The following ZNF497 variants were observed in gnomAD, a reference collection of about 807,000 sequenced individuals.
ZNF497 encodes the protein zinc finger-like protein.
For missense variants in ZNF497, 930 were observed against 714.0 expected (o/e 1.30, Z -3.45); for synonymous variants, 422 against 313.7 (o/e 1.35, Z -3.65).
intron 1 of ZNF497, among the ~76,000 whole-genome samples, chr19:58,360,734 G>T (rs1414995808): frequency 7.6e-6 from 1 of 131,288 alleles, no homozygotes; most frequent in Non-Finnish European, 1.6e-5. Context: ...TAGAGATGGG[G>T]TTTCACCATG....
chr19:58,360,147 C>T (rs1029528629), intron 1 of ZNF497, among the ~76,000 whole-genome samples: 4 of 152,054 alleles, frequency 2.6e-5, no homozygotes, highest in African/African-American at 7.2e-5. Context: ...AGTAGATCAG[C>T]GGTTGCCAGG....
chr19:58,356,176 T>A lies in ZNF497; in HGVS notation c.1460A>T (p.Glu487Val), dbSNP rs1264625244. 1.3e-6 allele frequency: 2 copies of A among 1,584,192 alleles called. No individual in the cohort carries two copies. The highest frequency in any genetic ancestry group is 4.5e-5 in the East Asian group (2 of 44,342). The change falls in exon 3 of 3, where the codon GAG (glutamate) becomes GTG (valine). Residue 487 changes from glutamate (E) to valine (V), a missense_variant. Glu to Val is a moderately radical substitution (Grantham distance 121). Coordinates refer to ENST00000311044, the MANE Select transcript of ZNF497 (RefSeq NM_198458.3). ...KPFSHRCNLN[E>V]HQKRHGGRAA... is the part of the protein sequence containing the mutation. ...GCGGCCCCCGTGCCGCTTCTGGTGCTCGTTGAGGTTGCAACGGTGGCTGAA... is the reference window on the plus strand; with the variant it reads ...GCGGCCCCCGTGCCGCTTCTGGTGCACGTTGAGGTTGCAACGGTGGCTGAA...
At chr19:58,357,739 T>A in intron 2 of ZNF497, 90 bp from the exon 3 acceptor site, 1 of 1,315,608 alleles carries the variant, frequency 7.6e-7, no homozygotes. Flanking sequence ...GGGTGGGCTG[T>A]CATCCCCCAC....
chr19:58,362,056 T>C (rs1388057983), intron 1 of ZNF497, among the ~76,000 whole-genome samples: 2 of 152,210 alleles, frequency 1.3e-5, no homozygotes, highest in African/African-American at 4.8e-5. Flanking sequence ...GTGCCCTTTC[T>C]GAGCCTCAAC....
At position 58,356,103 on chromosome 19, in the gene ZNF497, G is replaced by C; in HGVS notation, c.*36C>G. On this transcript the variant is annotated 3_prime_UTR_variant, in exon 3 of 3. Transcript: ENST00000311044. ...CTCACGCCCGAGACCCCGCAATGCC[G>C]TGTGTCCGCGACCTCCCGCTCAGGG... 6.7e-7 allele frequency: 1 copy of C among 1,499,084 alleles called. No individual in the cohort carries two copies. The highest frequency in any genetic ancestry group is 8.9e-7 in the Non-Finnish European group (1 of 1,129,808). 92.9% of individuals were successfully genotyped at this position (1,499,084 alleles called of 1,614,324 possible).
chr19:58,356,883 A>G lies in ZNF497; in HGVS notation c.753T>C (p.Cys251=), dbSNP rs1331404034. 6.5e-7 allele frequency: 1 copy of G among 1,543,842 alleles called. No individual in the cohort carries two copies. Among genetic ancestry groups the G allele is most frequent in the Non-Finnish European group, 8.7e-7 (1 of 1,147,864 alleles). ...TGARPHACRD[C]GKAFSQSSNL... ...TGGAGCTCTGGCTGAAGGCCTTGCC[A>G]CAGTCCCGGCAGGCGTGCGGCCGCG... Residue 251 remains cysteine (C), a synonymous_variant, in exon 3 of 3, where the codon TGT becomes TGC. Coordinates refer to ENST00000311044, the MANE Select transcript of ZNF497 (RefSeq NM_198458.3).
At chr19:58,358,217 T>C in intron 2 of ZNF497, 8 of 1,289,834 alleles carry the variant, frequency 6.2e-6, no homozygotes, top group Non-Finnish European at 8.1e-6. Context: ...CCAGGCAATG[T>C]CCACACCAGG....
chr19:58,362,633 G>A (rs1008763728), intron 1 of ZNF497, 44 bp downstream of exon 1: 6 of 152,206 alleles, frequency 3.9e-5, no homozygotes, highest in Admixed American at 3.3e-4. Flanking sequence ...GGAGCCGGAG[G>A]GCGGATCTGT....
intron 1 of ZNF497, among the ~76,000 whole-genome samples, chr19:58,360,929 C>T (rs2052086551): frequency 6.6e-6 from 1 of 151,756 alleles, no homozygotes; most frequent in South Asian, 2.1e-4. Context: ...CTACAGGCGC[C>T]TGCCACCATG....
intron 2 of ZNF497, 179 bp from the exon 3 acceptor site, chr19:58,357,828 G>T: frequency 8.1e-7 from 1 of 1,227,958 alleles, no homozygotes; most frequent in South Asian, 1.8e-5. Context: ...CTAGACACTC[G>T]GGGGATGGGC....
At chr19:58,357,823 CACTCG>C in intron 2 of ZNF497, 174 bp from the exon 3 acceptor site, 1 of 1,219,742 alleles carries the variant, frequency 8.2e-7, no homozygotes, top group Non-Finnish European at 1.1e-6. Context: ...GCGGGCTAGA[CACTCG>C]GGGGATGGGC....
intron 1 of ZNF497, among the ~76,000 whole-genome samples, chr19:58,360,765 C>CTGTTT (rs1491159514): frequency 1.1e-5 from 1 of 88,264 alleles, no homozygotes; most frequent in African/African-American, 4.4e-5. Flanking sequence ...TGGTCCCGAA[C>CTGTTT]TCTTTTTTTT....
intron 1 of ZNF497, 115 bp downstream of exon 1, chr19:58,362,562 T>C (rs1447237806): frequency 1.3e-5 from 2 of 152,012 alleles, no homozygotes; most frequent in African/African-American, 4.8e-5. Context: ...TATCTCTCGG[T>C]GGTCCCAGAG....
chr19:58,358,484 C>T lies in ZNF497; in HGVS notation c.-15+5G>A, dbSNP rs571494597. Reference sequence around the variant, plus strand: ...GCAGGGACAAGTGTGTAGATGGTGCCATACCTGGAGGTGGGGCCTGGAAGG... The same window carrying T: ...GCAGGGACAAGTGTGTAGATGGTGCTATACCTGGAGGTGGGGCCTGGAAGG... On this transcript the variant is annotated splice_donor_5th_base_variant and intron_variant, in intron 2 of 2. Transcript: ENST00000311044. The T allele has an allele frequency of 4.4e-5, 52 of 1,177,876 alleles. 2 individuals carry two copies. In the South Asian group the frequency reaches 8.1e-4, roughly 18 times the overall value. 73.0% of individuals were successfully genotyped at this position (1,177,876 alleles called of 1,614,324 possible).
At position 58,356,153 on chromosome 19, in the gene ZNF497, G is replaced by A. The variant is rs1265150629; in HGVS notation, c.1483C>T (p.Arg495Cys). Residue 495 changes from arginine (R) to cysteine (C), a missense_variant, in exon 3 of 3, where the codon CGC becomes TGC. Arg to Cys is a radical substitution (Grantham distance 180). Transcript: ENST00000311044. ...LNEHQKRHGG[R>C]AAP ...GCGTCCTCGGGTCAGGGCGCAGCGC[G>A]GCCCCCGTGCCGCTTCTGGTGCTCG... 2.6e-6 allele frequency: 4 copies of A among 1,562,344 alleles called. No individual in the cohort carries two copies. Among genetic ancestry groups the A allele is most frequent in the African/African-American group, 1.4e-5 (1 of 73,608 alleles).
At chr19:58,362,539 C>A (rs1489002433) in intron 1 of ZNF497, 138 bp downstream of exon 1, 1 of 151,940 alleles carries the variant, frequency 6.6e-6, no homozygotes, top group East Asian at 2.0e-4. Flanking sequence ...CCGCTCTGGA[C>A]GGCGCGGAGG....
At position 58,357,076 on chromosome 19, in the gene ZNF497, A is replaced by G. The variant is rs753291599; in HGVS notation, c.560T>C (p.Leu187Pro). 8 of 1,609,642 alleles carry G rather than the reference A, an allele frequency of 5.0e-6. No individual in the cohort carries two copies. Among genetic ancestry groups the G allele is most frequent in the Non-Finnish European group, 5.9e-6 (7 of 1,178,640 alleles). Residue 187 changes from leucine (L) to proline (P), a missense_variant, in exon 3 of 3, where the codon CTG (leucine) becomes CCG (proline). Coordinates refer to ENST00000311044, the MANE Select transcript of ZNF497 (RefSeq NM_198458.3). ...LIHHQETHSG[L>P]KPFRCPDCGK... is the part of the protein sequence containing the mutation. ...GCAGTCCGGGCAGCGGAAGGGCTTCAGGCCGCTGTGTGTCTCCTGGTGGTG... is the reference window on the plus strand; with the variant it reads ...GCAGTCCGGGCAGCGGAAGGGCTTCGGGCCGCTGTGTGTCTCCTGGTGGTG...
chr19:58,358,665 G>T, intron 1 of ZNF497, 80 bp from the exon 2 acceptor site: 1 of 657,666 alleles, frequency 1.5e-6, no homozygotes, highest in Non-Finnish European at 2.3e-6. Flanking sequence ...GCGGTGGCAT[G>T]ACCCACCCTT....
intron 2 of ZNF497, chr19:58,358,071 G>A: frequency 5.7e-6 from 7 of 1,220,574 alleles, no homozygotes; most frequent in Non-Finnish European, 7.3e-6. Flanking sequence ...CTCCATTCCT[G>A]AAGGCTGGAG....
Sources: gnomAD v4.1 joint callset for allele counts (sites outside exome capture counted in the v4.1 genomes callset) on GRCh38, gnomAD v4.1.1 for gene constraint, MANE v1.5 for transcripts, NCBI Gene and HGNC (gene_info 2026-07-23, HGNC 2026-07-21) for gene names.